CEP83: variants seen among roughly 807,000 people sequenced by gnomAD.
CEP83 encodes centrosomal protein of 83 kDa.
CEP83 carries 70 observed loss-of-function variants against 101.9 expected under a neutral mutation model. The ratio of observed to expected loss-of-function variants is 0.69; its 90% CI spans 0.57 to 0.84. The LOEUF (loss-of-function observed/expected upper bound fraction) is 0.84, where lower values mean the gene tolerates loss of function less well. Ranked by LOEUF, CEP83 falls within the 40% of genes least tolerant of loss-of-function variation. The pLI is 0.00. For missense variants in CEP83, 715 were observed against 787.2 expected, an observed-to-expected ratio of 0.91 and a Z score of 1.10; for synonymous variants, 264 against 267.9, an observed-to-expected ratio of 0.99 and a Z score of 0.14.
the CEP83 span, among the ~76,000 whole-genome samples, chr12:94,268,429 T>C: frequency 2.0e-5 from 3 of 152,068 alleles, no homozygotes; most frequent in Non-Finnish European, 4.4e-5. Flanking sequence ...CTATCAAGCA[T>C]TCCAGGCTGG....
the CEP83 span, among the ~76,000 whole-genome samples, chr12:94,273,349 A>AT: frequency 2.6e-5 from 4 of 151,998 alleles, no homozygotes; most frequent in East Asian, 3.9e-4. Context: ...AGAAGGTGGG[A>AT]TTTTTTTCTG....
At position 94,393,504 on chromosome 12, in the gene CEP83, C is replaced by T. The variant is rs921080269; in HGVS notation, c.549+7346G>A. On this transcript the variant is annotated intron_variant, in intron 6 of 16. Transcript: ENST00000397809. ...AATAATAAAAGCTATTTATGACAAA[C>T]CCACAGCCAATATCATACTGAATGG... 1.3e-5 allele frequency among the ~76,000 whole-genome samples: 2 copies of T among 152,128 alleles called. 1 individual carries two copies. Among genetic ancestry groups the T allele is most frequent in the Non-Finnish European group, 2.9e-5 (2 of 68,028 alleles).
At chr12:94,435,885 T>C (rs1008315604) in intron 1 of CEP83, among the ~76,000 whole-genome samples, 52 of 152,172 alleles carry the variant, frequency 3.4e-4, no homozygotes, top group Admixed American at 3.4e-3. Context: ...CTGGGAGACC[T>C]GAAGACAGAT....
intron 2 of CEP83, among the ~76,000 whole-genome samples, chr12:94,421,159 A>C (rs1024972389): frequency 1.3e-5 from 2 of 152,004 alleles, no homozygotes; most frequent in African/African-American, 4.8e-5. Context: ...CAGTCTCCCA[A>C]GTAGCTGGTA....
chr12:94,299,055 G>T, the CEP83 span, among the ~76,000 whole-genome samples: 1 of 152,180 alleles, frequency 6.6e-6, no homozygotes, highest in Non-Finnish European at 1.5e-5. Flanking sequence ...AATGTTAAAA[G>T]AAATTTAAGT....
intron 1 of CEP83, among the ~76,000 whole-genome samples, chr12:94,443,249 A>AGGACCCCTTTGCTAG (rs1374273743): frequency 6.6e-6 from 1 of 152,138 alleles, no homozygotes; most frequent in Non-Finnish European, 1.5e-5. Context: ...ACAGACCCTC[A>AGGACCCCTTTGCTAG]AACACATTTC....
chr12:94,340,507 G>A (rs1459686499), intron 11 of CEP83, among the ~76,000 whole-genome samples: 3 of 151,628 alleles, frequency 2.0e-5, no homozygotes, highest in Non-Finnish European at 1.5e-5. Flanking sequence ...CACAATCTTG[G>A]CTCACTGTAA....
At chr12:94,343,470 CTTTTTTTTTTTTTTT>C (rs1161481202) in intron 11 of CEP83, among the ~76,000 whole-genome samples, 6 of 84,168 alleles carry the variant, frequency 7.1e-5, no homozygotes, top group Non-Finnish European at 1.1e-4. Flanking sequence ...TAGAAATTAA[CTTTTTTTTTTTTTTT>C]TTTTTTTTTT....
chr12:94,325,322 G>C (rs142762977), intron 14 of CEP83, among the ~76,000 whole-genome samples: 1 of 152,022 alleles, frequency 6.6e-6, no homozygotes, highest in Non-Finnish European at 1.5e-5. Flanking sequence ...ACAGGCACCC[G>C]CCACCATGCC....
intron 11 of CEP83, among the ~76,000 whole-genome samples, chr12:94,353,647 T>A (rs1341111486): frequency 6.7e-6 from 1 of 150,112 alleles, no homozygotes; most frequent in Non-Finnish European, 1.5e-5. Context: ...GGTAAAGGCA[T>A]AAAAACTCAA....
At chr12:94,414,415 A>G (rs1470240999) in intron 2 of CEP83, among the ~76,000 whole-genome samples, 3 of 152,204 alleles carry the variant, frequency 2.0e-5, no homozygotes, top group Non-Finnish European at 4.4e-5. Context: ...CCCAACCTTC[A>G]GCAACCATCT....
At chr12:94,268,054 C>T in the CEP83 span, among the ~76,000 whole-genome samples, 10,023 of 152,230 alleles carry the variant, frequency 0.066, 459 homozygotes, top group African/African-American at 0.13. Flanking sequence ...AAATCAAGAG[C>T]ATCCTCACGA....
intron 1 of CEP83, among the ~76,000 whole-genome samples, chr12:94,443,733 C>T (rs2066594697): frequency 1.3e-5 from 2 of 152,046 alleles, no homozygotes; most frequent in South Asian, 4.1e-4. Context: ...GTGATCCACC[C>T]ACCTTGGCCT....
rs2061686966 is a variant in CEP83, at chr12:94,378,855, T to C, written c.737A>G (p.Glu246Gly). ...AEKENSEAQV[E>G]NAQRIQVRQL... Reference sequence around the variant, plus strand: ...CCGCACCTGTATTCTTTGGGCATTTTCCACCTGAGCCTCAGAATTCTCCTT... The same window carrying C: ...CCGCACCTGTATTCTTTGGGCATTTCCCACCTGAGCCTCAGAATTCTCCTT... The change falls in exon 7 of 17, where the codon GAA (glutamate) becomes GGA (glycine). Residue 246 changes from glutamate (E) to glycine (G), a missense_variant. By Grantham distance (98) the Glu-to-Gly change is moderately conservative. Transcript: ENST00000397809. 2 of 1,614,130 alleles carry C rather than the reference T, an allele frequency of 1.2e-6. No individual in the cohort carries two copies.
At chr12:94,324,986 C>T (rs1386091835) in intron 14 of CEP83, among the ~76,000 whole-genome samples, 2 of 152,148 alleles carry the variant, frequency 1.3e-5, no homozygotes, top group Non-Finnish European at 2.9e-5. Flanking sequence ...CCTGTGTTCC[C>T]TCAACATACC....
chr12:94,452,943 C>T (rs577320917), intron 1 of CEP83, among the ~76,000 whole-genome samples: 1 of 152,316 alleles, frequency 6.6e-6, no homozygotes, highest in South Asian at 2.1e-4. Flanking sequence ...AAAGTACATA[C>T]TCTTTCCTCT....
the CEP83 span, among the ~76,000 whole-genome samples, chr12:94,297,813 C>T: frequency 3.9e-5 from 6 of 152,158 alleles, no homozygotes; most frequent in African/African-American, 1.2e-4. Flanking sequence ...GGGTCAATGA[C>T]TATAAACCTA....
At position 94,333,583 on chromosome 12, in the gene CEP83, C is replaced by G; in HGVS notation, c.1476G>C (p.Leu492Phe). 1.2e-6 allele frequency: 2 copies of G among 1,613,760 alleles called. No individual in the cohort carries two copies. Among genetic ancestry groups the G allele is most frequent in the East Asian group, 4.5e-5 (2 of 44,858 alleles). Residue 492 changes from leucine to phenylalanine, a missense_variant, in exon 13 of 17, where the codon TTG (leucine) becomes TTC (phenylalanine). Transcript: ENST00000397809. ...VTSLAQSEND[L>F]LNSNQMLKEM... is the part of the protein sequence containing the mutation. Reference sequence around the variant, plus strand: ...CCTTCAGCATTTGGTTTGAATTCAGCAAGTCATTCTCTGACTGTGCAAGTG... The same window carrying G: ...CCTTCAGCATTTGGTTTGAATTCAGGAAGTCATTCTCTGACTGTGCAAGTG...
intron 1 of CEP83, among the ~76,000 whole-genome samples, chr12:94,438,911 C>A (rs2066195693): frequency 1.3e-5 from 2 of 152,132 alleles, no homozygotes; most frequent in Admixed American, 6.5e-5. Context: ...TAAACCTGCT[C>A]CTGAATGACC....
Sources: allele counts gnomAD v4.1 joint callset (sites outside exome capture counted in the v4.1 genomes callset), GRCh38; gene constraint gnomAD v4.1.1; transcripts MANE v1.5; gene names NCBI Gene and HGNC (gene_info 2026-07-23, HGNC 2026-07-21).